Variants in DLC1 observed in about 807,000 individuals in gnomAD.
The protein encoded by DLC1 is rho GTPase-activating protein 7.
In DLC1, 54 loss-of-function variants were observed where a neutral mutation model predicts 140.3. The ratio of observed to expected loss-of-function variants is 0.38; its 90% CI spans 0.31 to 0.48. The LOEUF (loss-of-function observed/expected upper bound fraction) is 0.48. DLC1 is among the 20% of genes least tolerant of loss of function. The probability of loss-of-function intolerance (pLI) is 0.96; values close to 1 mark genes in which losing one functional copy is unlikely to be tolerated. For synonymous variants in DLC1, 986 were observed against 728.1 expected (o/e 1.35, Z -5.70); for missense variants, 2,536 against 1,907.0 (o/e 1.33, Z -6.14).
Position 13,401,530 on chromosome 8 carries a change from A to G in DLC1, c.1113T>C (p.Asn371=), listed in dbSNP as rs367791290. 8.7e-6 allele frequency: 14 copies of G among 1,613,136 alleles called. No individual in the cohort carries two copies. Among genetic ancestry groups the G allele is most frequent in the East Asian group, 4.5e-5 (2 of 44,890 alleles). ...KLDQLDQDIE[N]ALSTSSSPSG... ...ATGGAGAGGAGCTGGTGCTGAGGGC[A>G]TTTTCTATGTCCTGATCAAGCTGGT... The change falls in exon 3 of 18, where the codon AAT becomes AAC. Residue 371 remains asparagine, a synonymous_variant. Transcript: ENST00000276297.
At chr8:13,371,051 TG>T (rs1835703294) in intron 4 of DLC1, among the ~76,000 whole-genome samples, 1 of 152,212 alleles carries the variant, frequency 6.6e-6, no homozygotes, top group Non-Finnish European at 1.5e-5. Context: ...AATGGAAATT[TG>T]GGTTGTTTTC....
chr8:13,234,928 A>C (rs1485521811), intron 5 of DLC1, among the ~76,000 whole-genome samples: 2 of 152,100 alleles, frequency 1.3e-5, no homozygotes, highest in Non-Finnish European at 2.9e-5. Flanking sequence ...AAATCAGAAA[A>C]TATTTTGAGA....
chr8:13,359,502 T>C (rs1422028314), intron 4 of DLC1, among the ~76,000 whole-genome samples: 1 of 152,140 alleles, frequency 6.6e-6, no homozygotes, highest in Non-Finnish European at 1.5e-5. Context: ...TCTTGACTAT[T>C]GGAAGAGGTG....
At chr8:13,588,243 C>A (rs1053882468) in intron 1 of DLC1, among the ~76,000 whole-genome samples, 2 of 151,972 alleles carry the variant, frequency 1.3e-5, no homozygotes, top group East Asian at 3.9e-4. Flanking sequence ...CCCTGGTGCC[C>A]AGTTGATTAG....
Position 13,099,399 on chromosome 8 carries a change from T to C in DLC1, c.2938A>G (p.Ile980Val). Residue 980 changes from isoleucine (I) to valine (V), a missense_variant, in exon 9 of 18, where the codon ATC (isoleucine) becomes GTC (valine). Ile to Val is a conservative substitution (Grantham distance 29, BLOSUM62 3). Coordinates refer to ENST00000276297, the MANE Select transcript of DLC1 (RefSeq NM_182643.3). ...ACCCCAGAATCCCTTCTTTCCGGGATCTCGGAGGGCTCTTCCGGTTCATTC... is the reference window on the plus strand; with the variant it reads ...ACCCCAGAATCCCTTCTTTCCGGGACCTCGGAGGGCTCTTCCGGTTCATTC... ...SLNEPEEPSEIPERRDSGVGA... is the reference protein window; with the variant it reads ...SLNEPEEPSEVPERRDSGVGA... The C allele has an allele frequency of 6.2e-7, 1 of 1,614,062 alleles. No individual in the cohort carries two copies. The highest frequency in any genetic ancestry group is 1.1e-5 in the South Asian group (1 of 91,054).
chr8:13,120,846 G>C (rs1338041388), intron 5 of DLC1, among the ~76,000 whole-genome samples: 1 of 152,170 alleles, frequency 6.6e-6, no homozygotes, highest in African/African-American at 2.4e-5. Context: ...CTGGCATGAC[G>C]GGATGATCCT....
intron 1 of DLC1, among the ~76,000 whole-genome samples, chr8:13,585,777 T>C (rs67768235): frequency 0.26 from 39,197 of 152,088 alleles, 5,967 homozygotes; most frequent in Non-Finnish European, 0.35. Context: ...ATTCTACCCA[T>C]GCTCATATCC....
rs1585108738 is a variant in DLC1 at position 13,438,761 on chromosome 8, G to A, written c.1024-37142C>T. Among the ~76,000 whole-genome samples, 6 of 152,224 alleles carry A rather than the reference G, an allele frequency of 3.9e-5. No individual in the cohort carries two copies. In the South Asian group the frequency reaches 1.2e-3, roughly 32 times the overall value. ...TTGCTCAAATGTCATCTCTGTGCAG[G>A]AAACTTCGCTGTCCAAAACAGCCGC... On this transcript the variant is annotated intron_variant, in intron 2 of 17. Coordinates refer to ENST00000276297, the MANE Select transcript of DLC1 (RefSeq NM_182643.3).
intron 2 of DLC1, among the ~76,000 whole-genome samples, chr8:13,497,238 C>A (rs112084714): frequency 6.6e-6 from 1 of 152,058 alleles, no homozygotes; most frequent in East Asian, 1.9e-4. Flanking sequence ...CTAAAAATGG[C>A]GAATTGCCAA....
At chr8:13,562,169 CAAAAT>C (rs929202775) in intron 1 of DLC1, among the ~76,000 whole-genome samples, 10 of 151,742 alleles carry the variant, frequency 6.6e-5, no homozygotes, top group African/African-American at 2.4e-4. Flanking sequence ...AAATAACTAA[CAAAAT>C]AAAATAAAAA....
At chr8:13,124,710 G>A (rs546150777) in intron 5 of DLC1, among the ~76,000 whole-genome samples, 12 of 152,240 alleles carry the variant, frequency 7.9e-5, no homozygotes, top group East Asian at 3.9e-4. Context: ...TAAAACCTGC[G>A]CTTGCCAGTG....
intron 4 of DLC1, among the ~76,000 whole-genome samples, chr8:13,317,262 G>T (rs1832896453): frequency 1.3e-5 from 2 of 152,126 alleles, no homozygotes; most frequent in South Asian, 4.1e-4. Flanking sequence ...TAGATGGGAG[G>T]ATAATTAACT....
At chr8:13,457,836 G>T (rs1168294543) in intron 2 of DLC1, among the ~76,000 whole-genome samples, 2 of 152,072 alleles carry the variant, frequency 1.3e-5, no homozygotes, top group African/African-American at 2.4e-5. Context: ...GTAGAAGGAA[G>T]AAAAACATGA....
Position 13,552,157 on chromosome 8 carries a change from A to G in DLC1, c.-125-51961T>C, listed in dbSNP as rs1478071321. 5.6e-4 allele frequency among the ~76,000 whole-genome samples: 60 copies of G among 108,030 alleles called. 1 individual carries two copies. The highest frequency in any genetic ancestry group is 4.3e-3 in the Admixed American group (45 of 10,382). 70.9% of individuals were successfully genotyped at this position (108,030 alleles called of 152,430 possible). On this transcript the variant is annotated intron_variant, in intron 1 of 1. Coordinates refer to the DLC1 transcript ENST00000631382. The stretch of plus-strand genomic sequence containing the variant: ...TATATATATATCTGTCTAGAGGTAC[A>G]TATATATATCTGTCTAGAGGTGTAT...
rs370075708 is a variant in DLC1, at chr8:13,453,556, ATTTTT to A, written c.1023+45488_1023+45492del. ...TATATATACATATATATATATATAT[ATTTTT>A]TTTTTTTTTTTTTCAGATAGAAATG... On this transcript the variant is annotated intron_variant, in intron 2 of 17. Transcript: ENST00000276297. Among the ~76,000 whole-genome samples, 14 of 26,902 alleles carry A rather than the reference ATTTTT, an allele frequency of 5.2e-4. 1 individual carries two copies. The highest frequency in any genetic ancestry group is 1.9e-3 in the African/African-American group (11 of 5,788). The allele number at this position is 26,902 out of a possible 152,430, so 17.6% of individuals were successfully genotyped here. A position where few individuals can be genotyped will look rare whatever the true frequency, so the allele number is the denominator to read the frequency against.
chr8:13,489,924 T>C (rs1271913699), intron 2 of DLC1, among the ~76,000 whole-genome samples: 1 of 152,222 alleles, frequency 6.6e-6, no homozygotes, highest in Non-Finnish European at 1.5e-5. Context: ...ACCATTGTTC[T>C]AGGTGCTGTA....
In DLC1 at chr8:13,408,113, T is replaced by C. The variant is rs550327246; in HGVS notation, c.1024-6494A>G. On this transcript the variant is annotated intron_variant, in intron 2 of 17. Transcript: ENST00000276297. ...AAGTCAGTCTTAATTTTTATTCCAC[T>C]GTGTTTCAATTTGAAACTTATGTAG... is the stretch of plus-strand genomic sequence containing the variant. 8.5e-5 allele frequency among the ~76,000 whole-genome samples: 13 copies of C among 152,342 alleles called. 1 individual carries two copies. The East Asian group carries it at 1.5e-3, about 18-fold the overall frequency.
At chr8:13,224,359 G>A (rs1425309759) in intron 5 of DLC1, among the ~76,000 whole-genome samples, 1 of 152,190 alleles carries the variant, frequency 6.6e-6, no homozygotes, top group Non-Finnish European at 1.5e-5. Context: ...TTGGTCAGAA[G>A]AACTTGTCCA....
At chr8:13,090,830 G>C (rs1432120171) in intron 14 of DLC1, among the ~76,000 whole-genome samples, 1 of 143,816 alleles carries the variant, frequency 7.0e-6, no homozygotes, top group East Asian at 2.0e-4. Flanking sequence ...TTTTGAGAGA[G>C]AGTTTCATTC....
Sources: allele counts gnomAD v4.1 joint callset (sites outside exome capture counted in the v4.1 genomes callset), GRCh38; gene constraint gnomAD v4.1.1; transcripts MANE v1.5; gene names NCBI Gene and HGNC (gene_info 2026-07-23, HGNC 2026-07-21).